VPS53: variants seen among roughly 807,000 people sequenced by gnomAD.
The protein encoded by VPS53 is vacuolar protein sorting-associated protein 53 homolog.
VPS53 carries 70 observed loss-of-function variants against 107.0 expected under a neutral mutation model. The ratio of observed to expected loss-of-function variants is 0.65; its 90% CI spans 0.54 to 0.80. The LOEUF (loss-of-function observed/expected upper bound fraction) is 0.80, where lower values mean the gene tolerates loss of function less well. Ranked by LOEUF, VPS53 falls within the 30% of genes least tolerant of loss-of-function variation. The pLI, the probability that VPS53 is intolerant of heterozygous loss-of-function variation, is 0.00. For missense variants in VPS53, 917 were observed against 1,049.4 expected (o/e 0.87, Z 1.74); for synonymous variants, 409 against 393.3 (o/e 1.04, Z -0.47).
At chr17:530,776 C>A (rs1909478420) in intron 19 of VPS53, among the ~76,000 whole-genome samples, 1 of 152,168 alleles carries the variant, frequency 6.6e-6, no homozygotes, top group African/African-American at 2.4e-5. Flanking sequence ...TAGCAAGAAG[C>A]ATGATCAATA....
intron 12 of VPS53, among the ~76,000 whole-genome samples, chr17:592,633 T>C (rs1469031215): frequency 1.3e-5 from 2 of 152,222 alleles, no homozygotes; most frequent in Non-Finnish European, 2.9e-5. Context: ...AGTATTTTAT[T>C]TCTCCTTCAC....
intron 2 of VPS53, among the ~76,000 whole-genome samples, chr17:706,437 T>A (rs1567754412): frequency 6.6e-6 from 1 of 151,106 alleles, no homozygotes; most frequent in Admixed American, 6.6e-5. Flanking sequence ...CTCAGGAGGC[T>A]GAGGCGGGAG....
chr17:697,266 G>A (rs370334130), intron 4 of VPS53, 152 bp downstream of exon 4: 70 of 710,166 alleles, frequency 9.9e-5, no homozygotes, highest in African/African-American at 8.3e-4. Context: ...ACAGCACGTG[G>A]CTGCTGTGGG....
chr17:521,563 T>G, intron 20 of VPS53, 38 bp downstream of exon 20: 1 of 1,498,696 alleles, frequency 6.7e-7, no homozygotes, highest in Non-Finnish European at 9.0e-7. Context: ...AAAAAGAGAT[T>G]AAATAAATAA....
At chr17:658,099 C>T (rs1205471741) in intron 5 of VPS53, among the ~76,000 whole-genome samples, 1 of 77,298 alleles carries the variant, frequency 1.3e-5, no homozygotes, top group African/African-American at 5.2e-5. Flanking sequence ...GATACTCGGC[C>T]GTGAGTTCGT....
At position 518,873 on chromosome 17, in the gene VPS53, T is replaced by A; in HGVS notation, c.*255A>T. Reference sequence around the variant, plus strand: ...GAGTCAAGGGCAGCTCAGGGACCTATCCTCCACTGCTGCCTCTGCTTCACG... The same window carrying A: ...GAGTCAAGGGCAGCTCAGGGACCTAACCTCCACTGCTGCCTCTGCTTCACG... On this transcript the variant is annotated 3_prime_UTR_variant, in exon 22 of 22. Coordinates refer to ENST00000437048, the MANE Select transcript of VPS53 (RefSeq NM_001128159.3). 3.1e-6 allele frequency: 1 copy of A among 320,658 alleles called. No individual in the cohort carries two copies. The highest frequency in any genetic ancestry group is 5.7e-6 in the Non-Finnish European group (1 of 174,024). The allele number at this position is 320,658 out of a possible 1,614,324, so 19.9% of individuals were successfully genotyped here.
intron 12 of VPS53, among the ~76,000 whole-genome samples, chr17:591,680 T>C (rs1967661959): frequency 6.6e-6 from 1 of 152,220 alleles, no homozygotes; most frequent in Non-Finnish European, 1.5e-5. Flanking sequence ...TCCATGTAGT[T>C]GAGCGGTTTT....
chr17:633,927 CCT>C (rs1970074178), intron 7 of VPS53, among the ~76,000 whole-genome samples: 1 of 152,230 alleles, frequency 6.6e-6, no homozygotes, highest in African/African-American at 2.4e-5. Context: ...TCAGGCCCCC[CCT>C]GTTCCTACCC....
rs138294670 is a variant in VPS53 at position 627,903 on chromosome 17, T to C, written c.831+185A>G. On this transcript the variant is annotated intron_variant, in intron 9 of 21. Transcript: ENST00000437048. ...TATGCACAGGTGCATGTTTCTGAAT[T>C]TCTCCAAAGGGTCAGTGACCTCAAA... Among the ~76,000 whole-genome samples, 576 of 152,290 alleles carry C rather than the reference T, an allele frequency of 3.8e-3. 5 individuals are homozygous for C. Among genetic ancestry groups the C allele is most frequent in the Middle Eastern group, 0.01 (3 of 294 alleles).
intron 17 of VPS53, among the ~76,000 whole-genome samples, chr17:539,385 C>A (rs537117155): frequency 8.5e-5 from 13 of 152,284 alleles, no homozygotes; most frequent in Non-Finnish European, 1.9e-4. Context: ...GTGAAAAGAG[C>A]TGATTTGCTT....
chr17:620,197 G>T (rs1969409438), intron 11 of VPS53, among the ~76,000 whole-genome samples: 1 of 152,232 alleles, frequency 6.6e-6, no homozygotes, highest in African/African-American at 2.4e-5. Flanking sequence ...AGCCCAAGTA[G>T]GCAGGACCTT....
chr17:658,506 A>C (rs879032993), intron 5 of VPS53, among the ~76,000 whole-genome samples: 1 of 146,954 alleles, frequency 6.8e-6, no homozygotes, highest in Admixed American at 6.8e-5. Flanking sequence ...TGAAGTGAGA[A>C]ACTCGGCAGG....
At chr17:682,512 C>T (rs1056154287) in intron 4 of VPS53, among the ~76,000 whole-genome samples, 1 of 152,136 alleles carries the variant, frequency 6.6e-6, no homozygotes, top group Non-Finnish European at 1.5e-5. Flanking sequence ...GGGTGCCACA[C>T]AAGCAGGCGA....
chr17:584,137 C>A (rs1368316653), intron 13 of VPS53, among the ~76,000 whole-genome samples: 2 of 152,250 alleles, frequency 1.3e-5, no homozygotes, highest in African/African-American at 4.8e-5. Flanking sequence ...TTCCTGCAGC[C>A]GCTGTTGCTC....
intron 4 of VPS53, among the ~76,000 whole-genome samples, chr17:683,149 T>C (rs1237968143): frequency 2.6e-5 from 4 of 152,094 alleles, no homozygotes; most frequent in African/African-American, 9.7e-5. Context: ...ATCCAACACC[T>C]GCAGGACAGT....
chr17:657,475 C>T lies in VPS53; in HGVS notation c.373-1522G>A, dbSNP rs533522169. On this transcript the variant is annotated intron_variant, in intron 5 of 21. Transcript: ENST00000437048. Reference sequence around the variant, plus strand: ...GTGGACGGACGAGGAGCAAACACACCGGTCAATTTATCCAGCATCCAATGC... The same window carrying T: ...GTGGACGGACGAGGAGCAAACACACTGGTCAATTTATCCAGCATCCAATGC... 226 of 1,441,378 alleles carry T rather than the reference C, an allele frequency of 1.6e-4. No individual in the cohort carries two copies. The African/African-American group carries it at 2.1e-3, about 13-fold the overall frequency. The allele number at this position is 1,441,378 out of a possible 1,614,324, so 89.3% of individuals were successfully genotyped here. A position where few individuals can be genotyped will look rare whatever the true frequency, so the allele number is the denominator to read the frequency against.
At chr17:576,906 A>C (rs758929524) in intron 13 of VPS53, among the ~76,000 whole-genome samples, 15 of 149,950 alleles carry the variant, frequency 1.0e-4, no homozygotes, top group South Asian at 2.1e-4. Flanking sequence ...CTCCCTCAGA[A>C]CCTAATGCGT....
Position 707,844 on chromosome 17 carries a change from C to CAAA in VPS53, c.168+2686_168+2688dup, listed in dbSNP as rs10708313. Among the ~76,000 whole-genome samples, 374 of 126,974 alleles carry CAAA rather than the reference C, an allele frequency of 2.9e-3. 3 individuals carry two copies. Among genetic ancestry groups the CAAA allele is most frequent in the African/African-American group, 9.7e-3 (325 of 33,564 alleles). The allele number at this position is 126,974 out of a possible 152,430, so 83.3% of individuals were successfully genotyped here. ...TGGGCAACAGAGTAAAACTCTCTTTCAAAAAAAAAAAAAAAAGGAAGAAAG... is the reference window on the plus strand; with the variant it reads ...TGGGCAACAGAGTAAAACTCTCTTTCAAAAAAAAAAAAAAAAAAAGGAAGAAAG... On this transcript the variant is annotated intron_variant, in intron 2 of 21. Coordinates refer to ENST00000437048, the MANE Select transcript of VPS53 (RefSeq NM_001128159.3).
At position 537,014 on chromosome 17, in the gene VPS53, G is replaced by A. The variant is rs778426335; in HGVS notation, c.2015+14C>T. 1.9e-6 allele frequency: 3 copies of A among 1,613,674 alleles called. No homozygotes were observed. Among genetic ancestry groups the A allele is most frequent in the East Asian group, 2.2e-5 (1 of 44,876 alleles). On this transcript the variant is annotated intron_variant, in intron 18 of 21. Coordinates refer to ENST00000437048, the MANE Select transcript of VPS53 (RefSeq NM_001128159.3). Reference sequence around the variant, plus strand: ...AGAACAAGAACCCAGAGATGAGCACGCCCCAGGACTTACTTTGCAAATTTA... The same window carrying A: ...AGAACAAGAACCCAGAGATGAGCACACCCCAGGACTTACTTTGCAAATTTA...
Sources: gnomAD v4.1 joint callset for allele counts (sites outside exome capture counted in the v4.1 genomes callset) on GRCh38, gnomAD v4.1.1 for gene constraint, MANE v1.5 for transcripts, NCBI Gene and HGNC (gene_info 2026-07-23, HGNC 2026-07-21) for gene names.